TJP1: variants seen among roughly 807,000 people sequenced by gnomAD.
TJP1 encodes tight junction protein 1, also known as tight junction protein ZO-1.
TJP1 carries 43 observed loss-of-function variants against 194.2 expected under a neutral mutation model. That is an observed-to-expected ratio of 0.22 (90% CI 0.17 to 0.29). The LOEUF is 0.29. Among genes scored for constraint, TJP1 ranks in the 10% least tolerant of loss-of-function variants. The pLI is 1.00. For synonymous variants in TJP1, 801 were observed against 779.0 expected, an observed-to-expected ratio of 1.03 and a Z score of -0.47; for missense variants, 1,971 against 2,185.7, an observed-to-expected ratio of 0.90 and a Z score of 1.96.
At chr15:29,725,757 T>C (rs184477886) in intron 18 of TJP1, among the ~76,000 whole-genome samples, 26 of 152,308 alleles carry the variant, frequency 1.7e-4, no homozygotes, top group Non-Finnish European at 2.9e-4. Flanking sequence ...CCAGGAAGGA[T>C]CTATTGCTTT....
intron 8 of TJP1, among the ~76,000 whole-genome samples, chr15:29,752,723 T>G (rs1311246410): frequency 6.6e-6 from 1 of 152,178 alleles, no homozygotes; most frequent in Non-Finnish European, 1.5e-5. Flanking sequence ...AAATGTTAGA[T>G]AAAACATATT....
chr15:29,815,229 C>G (rs2049830278), intron 1 of TJP1, among the ~76,000 whole-genome samples: 1 of 152,150 alleles, frequency 6.6e-6, no homozygotes, highest in Non-Finnish European at 1.5e-5. Flanking sequence ...TCAGAGAGAG[C>G]AAAAGTCTTA....
In TJP1 at chr15:29,822,262, C is replaced by G; in HGVS notation, c.-234G>C. ...CGGGGCGCGCCCGACCGGCACCTCC[C>G]TCCGAGCGCGGCCACCCACTCGGCC... On this transcript the variant is annotated 5_prime_UTR_variant, in exon 1 of 28. Transcript: ENST00000614355. 8.6e-7 allele frequency: 1 copy of G among 1,163,224 alleles called. No homozygotes were observed. The highest frequency in any genetic ancestry group is 1.1e-6 in the Non-Finnish European group (1 of 943,642). The allele number at this position is 1,163,224 out of a possible 1,614,324, so 72.1% of individuals were successfully genotyped here.
intron 2 of TJP1, among the ~76,000 whole-genome samples, chr15:29,867,393 G>A (rs2152112442): frequency 6.6e-6 from 1 of 152,316 alleles, no homozygotes; most frequent in Non-Finnish European, 1.5e-5. Context: ...AGTAAAAGCA[G>A]CCCTCCCTGG....
intron 2 of TJP1, among the ~76,000 whole-genome samples, chr15:29,891,200 G>T (rs2152162246): frequency 6.6e-6 from 1 of 152,344 alleles, no homozygotes; most frequent in South Asian, 2.1e-4. Flanking sequence ...TGACGGTGAG[G>T]ACTAAATGTC....
chr15:29,864,538 A>G (rs1036673310), intron 2 of TJP1, among the ~76,000 whole-genome samples: 1 of 152,160 alleles, frequency 6.6e-6, no homozygotes, highest in Non-Finnish European at 1.5e-5. Flanking sequence ...CAACACTGTT[A>G]TCTATTAGCT....
chr15:29,818,539 C>G (rs1441069765), intron 1 of TJP1, among the ~76,000 whole-genome samples: 2 of 152,200 alleles, frequency 1.3e-5, no homozygotes, highest in African/African-American at 2.4e-5. Context: ...GCGTCTCGCT[C>G]TGTCGCCCAG....
intron 2 of TJP1, among the ~76,000 whole-genome samples, chr15:29,795,044 C>T (rs1211577876): frequency 6.6e-6 from 1 of 152,044 alleles, no homozygotes; most frequent in African/African-American, 2.4e-5. Flanking sequence ...ATAGAACCAT[C>T]CAAAATTAAA....
chr15:29,953,061 C>T (rs923282436), intron 2 of TJP1, among the ~76,000 whole-genome samples: 2 of 150,384 alleles, frequency 1.3e-5, no homozygotes, highest in African/African-American at 4.9e-5. Flanking sequence ...TACCTTTCAT[C>T]TTCTAAGAAA....
intron 2 of TJP1, among the ~76,000 whole-genome samples, chr15:29,798,467 A>T (rs746131865): frequency 5.9e-5 from 9 of 152,130 alleles, no homozygotes; most frequent in Non-Finnish European, 1.2e-4. Context: ...TCCTTTAAAC[A>T]TGACGTCATC....
intron 8 of TJP1, among the ~76,000 whole-genome samples, chr15:29,755,376 A>G (rs2045578618): frequency 6.6e-6 from 1 of 152,256 alleles, no homozygotes; most frequent in East Asian, 1.9e-4. Context: ...GCACTCTTGG[A>G]AAACTCCTAA....
intron 8 of TJP1, chr15:29,759,877 G>T (rs996254407): frequency 3.7e-6 from 1 of 270,556 alleles, no homozygotes; most frequent in African/African-American, 2.2e-5. Flanking sequence ...TCGACATTCA[G>T]GTTGACTCCA....
intron 26 of TJP1, among the ~76,000 whole-genome samples, chr15:29,704,575 T>C (rs2041772993): frequency 6.6e-6 from 1 of 152,270 alleles, no homozygotes; most frequent in African/African-American, 2.4e-5. Flanking sequence ...CACTGTTATT[T>C]CAACATGTAA....
At chr15:29,846,583 G>A (rs1413292275) in intron 2 of TJP1, among the ~76,000 whole-genome samples, 1 of 152,038 alleles carries the variant, frequency 6.6e-6, no homozygotes, top group Non-Finnish European at 1.5e-5. Context: ...AGGTAAATTG[G>A]AGCAGTGGAA....
intron 2 of TJP1, among the ~76,000 whole-genome samples, chr15:29,799,681 C>T (rs1167088210): frequency 1.3e-5 from 2 of 152,158 alleles, no homozygotes; most frequent in African/African-American, 4.8e-5. Flanking sequence ...TCCCAAAGTG[C>T]TGGGATTACA....
chr15:29,860,905 GTTC>G (rs1474505581), intron 2 of TJP1, among the ~76,000 whole-genome samples: 2 of 152,170 alleles, frequency 1.3e-5, no homozygotes, highest in African/African-American at 4.8e-5. Context: ...TATGTACATT[GTTC>G]TTCTTACATG....
At chr15:29,852,567 G>A (rs922291109) in intron 2 of TJP1, among the ~76,000 whole-genome samples, 2 of 152,094 alleles carry the variant, frequency 1.3e-5, no homozygotes, top group Non-Finnish European at 2.9e-5. Flanking sequence ...TCCAAAACAC[G>A]CAATTACCAT....
chr15:29,873,154 G>A (rs1332554361), intron 2 of TJP1, among the ~76,000 whole-genome samples: 1 of 152,212 alleles, frequency 6.6e-6, no homozygotes, highest in African/African-American at 2.4e-5. Context: ...CCTGCTGTGG[G>A]TGAAGGGCAA....
chr15:29,713,587 T>C (rs2042374804), intron 23 of TJP1, among the ~76,000 whole-genome samples: 1 of 152,258 alleles, frequency 6.6e-6, no homozygotes, highest in Non-Finnish European at 1.5e-5. Context: ...AAGGCAGTCT[T>C]ATTTAGTGAC....
Sources: allele counts gnomAD v4.1 joint callset (sites outside exome capture counted in the v4.1 genomes callset), GRCh38; gene constraint gnomAD v4.1.1; transcripts MANE v1.5; gene names NCBI Gene and HGNC (gene_info 2026-07-23, HGNC 2026-07-21).